Variants in RARB observed in about 807,000 individuals in gnomAD.
RARB encodes HBV-activated protein.
In RARB, 17 loss-of-function variants were observed where a neutral mutation model predicts 51.9. The ratio of observed to expected loss-of-function variants is 0.33; its 90% CI spans 0.22 to 0.49. The LOEUF is 0.49. Ranked by LOEUF, RARB falls within the 20% of genes least tolerant of loss-of-function variation. The pLI is 0.99. For missense variants in RARB, 369 were observed against 550.8 expected, an observed-to-expected ratio of 0.67 and a Z score of 3.30; for synonymous variants, 215 against 195.4, an observed-to-expected ratio of 1.10 and a Z score of -0.84.
chr3:25,137,361 T>A (rs960959777), intron 4 of RARB, among the ~76,000 whole-genome samples: 1 of 152,092 alleles, frequency 6.6e-6, no homozygotes, highest in African/African-American at 2.4e-5. Context: ...CAGTAAAGGA[T>A]GTGATTTTTG....
At chr3:25,132,165 G>T (rs1026422743) in exon 4 of RARB, among the ~76,000 whole-genome samples, 4 of 151,766 alleles carry the variant, frequency 2.6e-5, no homozygotes, top group Non-Finnish European at 4.4e-5. Context: ...CTCAAGGAAG[G>T]CTTCAGTCTC....
intron 1 of RARB, among the ~76,000 whole-genome samples, chr3:25,452,666 G>T (rs912324383): frequency 6.3e-5 from 2 of 31,866 alleles, no homozygotes; most frequent in African/African-American, 3.1e-4. Context: ...TTAAAAAGCG[G>T]GGGGGGTTTG....
intron 5 of RARB, among the ~76,000 whole-genome samples, chr3:25,337,539 C>T (rs190126159): frequency 1.9e-4 from 29 of 152,244 alleles, no homozygotes; most frequent in Non-Finnish European, 3.1e-4. Flanking sequence ...TGAAATGCAT[C>T]GACATCATTC....
At chr3:25,438,877 C>G (rs6550975) in intron 1 of RARB, among the ~76,000 whole-genome samples, 37,032 of 152,166 alleles carry the variant, frequency 0.24, 4,599 homozygotes, top group Middle Eastern at 0.35. Context: ...ATTATTTTCT[C>G]TACTATAAAC....
intron 2 of RARB, among the ~76,000 whole-genome samples, chr3:24,865,024 A>G (rs1702821187): frequency 6.6e-6 from 1 of 152,162 alleles, no homozygotes; most frequent in African/African-American, 2.4e-5. Flanking sequence ...TCTCCATCGA[A>G]TGTATTCTCT....
At position 25,475,276 on chromosome 3, in the gene RARB, T is replaced by C. The variant is rs149326532; in HGVS notation, c.306+13935T>C. 3.9e-3 allele frequency among the ~76,000 whole-genome samples: 592 copies of C among 152,322 alleles called. 15 individuals carry two copies. The highest frequency in any genetic ancestry group is 0.037 in the Admixed American group (564 of 15,286). ...CTCTGGGCCTCAGAAAGAATATTTC[T>C]GTTCTCCACTACGTACACTATCAGA... On this transcript the variant is annotated intron_variant, in intron 2 of 7. Coordinates refer to ENST00000330688, the MANE Select transcript of RARB (RefSeq NM_000965.5).
intron 2 of RARB, among the ~76,000 whole-genome samples, chr3:24,990,793 A>G (rs1696893469): frequency 6.6e-6 from 1 of 152,168 alleles, no homozygotes; most frequent in Admixed American, 6.5e-5. Context: ...ATAAACTTCA[A>G]ATTTGACAAG....
At chr3:25,090,952 G>A (rs775596721) in intron 3 of RARB, among the ~76,000 whole-genome samples, 9 of 152,122 alleles carry the variant, frequency 5.9e-5, no homozygotes, top group Admixed American at 2.6e-4. Context: ...AAAATATGAA[G>A]CCTATTGGCT....
At chr3:25,507,759 G>A (rs73048024) in intron 3 of RARB, among the ~76,000 whole-genome samples, 12,729 of 152,218 alleles carry the variant, frequency 0.084, 655 homozygotes, top group Middle Eastern at 0.19. Flanking sequence ...CAGGAGGTCA[G>A]AAGGAAAATG....
chr3:24,841,224 AGGTG>A (rs1438660795), intron 1 of RARB, among the ~76,000 whole-genome samples: 1 of 152,190 alleles, frequency 6.6e-6, no homozygotes, highest in Non-Finnish European at 1.5e-5. Context: ...TTCCCACCTA[AGGTG>A]TTATCTCTAA....
At chr3:24,869,764 G>T (rs763838317) in intron 2 of RARB, among the ~76,000 whole-genome samples, 6 of 151,866 alleles carry the variant, frequency 4.0e-5, no homozygotes, top group African/African-American at 7.3e-5. Flanking sequence ...TTGTATTTCT[G>T]TTTATCCTCT....
intron 3 of RARB, among the ~76,000 whole-genome samples, chr3:25,124,430 T>A (rs1329310120): frequency 6.6e-6 from 1 of 152,186 alleles, no homozygotes; most frequent in Non-Finnish European, 1.5e-5. Flanking sequence ...TCTTAAATGG[T>A]CTTCATTTCT....
chr3:25,311,471 C>A (rs1704287862), intron 5 of RARB, among the ~76,000 whole-genome samples: 2 of 152,176 alleles, frequency 1.3e-5, no homozygotes, highest in African/African-American at 4.8e-5. Context: ...CAAATCTGGA[C>A]CTTTTCCTTT....
intron 2 of RARB, among the ~76,000 whole-genome samples, chr3:24,934,510 C>G (rs1410263432): frequency 1.3e-5 from 2 of 152,002 alleles, no homozygotes; most frequent in African/African-American, 4.8e-5. Flanking sequence ...TGGTCTTGTT[C>G]TATAAATTAT....
intron 5 of RARB, among the ~76,000 whole-genome samples, chr3:25,253,013 A>C (rs139737729): frequency 3.0e-4 from 46 of 152,276 alleles, no homozygotes; most frequent in African/African-American, 1.1e-3. Flanking sequence ...GTCTGTGACT[A>C]AGTATGTAAG....
chr3:25,428,715 T>C lies in RARB; in HGVS notation c.-17T>C. The C allele has an allele frequency of 6.3e-7, 1 of 1,595,544 alleles. No individual in the cohort carries two copies. On this transcript the variant is annotated 5_prime_UTR_variant, in exon 1 of 8. Coordinates refer to ENST00000330688, the MANE Select transcript of RARB (RefSeq NM_000965.5). ...AGAGGATAAGCACTTTTGCAGACATTCAGTGCAAGGGAGATCATGTTTGAC... is the reference window on the plus strand; with the variant it reads ...AGAGGATAAGCACTTTTGCAGACATCCAGTGCAAGGGAGATCATGTTTGAC...
At chr3:25,104,875 A>C (rs1195221623) in intron 3 of RARB, among the ~76,000 whole-genome samples, 1 of 151,988 alleles carries the variant, frequency 6.6e-6, no homozygotes, top group East Asian at 1.9e-4. Flanking sequence ...CACATATGCA[A>C]AACTAATCTC....
intron 2 of RARB, among the ~76,000 whole-genome samples, chr3:24,983,364 A>G (rs1279115882): frequency 6.7e-6 from 1 of 150,306 alleles, no homozygotes; most frequent in Non-Finnish European, 1.5e-5. Context: ...AAGACTTTTT[A>G]TATTTATTTA....
At chr3:25,270,569 C>T (rs1214246050) in intron 5 of RARB, among the ~76,000 whole-genome samples, 1 of 152,116 alleles carries the variant, frequency 6.6e-6, no homozygotes, top group Non-Finnish European at 1.5e-5. Flanking sequence ...TTTAAATTCC[C>T]TGTAGACCTA....
Sources: allele counts gnomAD v4.1 joint callset (sites outside exome capture counted in the v4.1 genomes callset), GRCh38; gene constraint gnomAD v4.1.1; transcripts MANE v1.5; gene names NCBI Gene and HGNC (gene_info 2026-07-23, HGNC 2026-07-21).